KCNAB1: variants seen among roughly 807,000 people sequenced by gnomAD.
KCNAB1 encodes the protein voltage-gated potassium channel subunit beta-1.
Under a neutral mutation model 64.6 loss-of-function variants are expected in KCNAB1, and 35 were observed. That is an observed-to-expected ratio of 0.54 (90% CI 0.41 to 0.72). The LOEUF (loss-of-function observed/expected upper bound fraction) is 0.72, where lower values mean the gene tolerates loss of function less well. Ranked by LOEUF, KCNAB1 falls within the 30% of genes least tolerant of loss-of-function variation. The probability of loss-of-function intolerance (pLI) is 0.00; values close to 1 mark genes in which losing one functional copy is unlikely to be tolerated. For missense variants in KCNAB1, 401 were observed against 512.9 expected, an observed-to-expected ratio of 0.78 and a Z score of 2.11; for synonymous variants, 177 against 183.8, an observed-to-expected ratio of 0.96 and a Z score of 0.30.
chr3:156,162,252 A>AT (rs5853743), intron 1 of KCNAB1, among the ~76,000 whole-genome samples: 75,288 of 150,402 alleles, frequency 0.5, 20,078 homozygotes, highest in East Asian at 0.77. Flanking sequence ...TTTATACTGG[A>AT]TTTTTTTTTT....
chr3:156,343,591 C>T (rs560728373), intron 1 of KCNAB1, among the ~76,000 whole-genome samples: 1 of 152,246 alleles, frequency 6.6e-6, no homozygotes, highest in East Asian at 1.9e-4. Context: ...TTGGAAAGGC[C>T]CCAGTTCTCA....
chr3:156,203,745 G>GT (rs1177344199), intron 1 of KCNAB1, among the ~76,000 whole-genome samples: 1 of 152,214 alleles, frequency 6.6e-6, no homozygotes, highest in African/African-American at 2.4e-5. Flanking sequence ...AAGTAAATTA[G>GT]TTTTTTATCT....
intron 1 of KCNAB1, chr3:156,291,100 C>T: frequency 2.0e-6 from 2 of 985,490 alleles, no homozygotes; most frequent in Non-Finnish European, 2.4e-6. Flanking sequence ...TTTTATGGAG[C>T]AACCCTCCCG....
At chr3:156,143,830 T>A (rs1303959934) in intron 1 of KCNAB1, among the ~76,000 whole-genome samples, 1 of 151,534 alleles carries the variant, frequency 6.6e-6, no homozygotes, top group Non-Finnish European at 1.5e-5. Flanking sequence ...CTTATTTTCT[T>A]CTAAACTTGA....
chr3:156,126,338 G>C (rs1713653605), intron 1 of KCNAB1, among the ~76,000 whole-genome samples: 1 of 152,178 alleles, frequency 6.6e-6, no homozygotes. Context: ...CTCTCAAGAA[G>C]AGGCAGTGCA....
At chr3:156,357,586 G>A (rs779424845) in intron 1 of KCNAB1, among the ~76,000 whole-genome samples, 1 of 152,180 alleles carries the variant, frequency 6.6e-6, no homozygotes, top group Non-Finnish European at 1.5e-5. Flanking sequence ...AACTTTCTCC[G>A]ATAGAAGTAT....
rs1220332293 is a variant in KCNAB1 at position 156,443,876 on chromosome 3, C to T, written c.320-9023C>T. Among the ~76,000 whole-genome samples, 2 of 152,098 alleles carry T rather than the reference C, an allele frequency of 1.3e-5. 1 individual carries two copies. Among genetic ancestry groups the T allele is most frequent in the South Asian group, 4.1e-4 (2 of 4,820 alleles). On this transcript the variant is annotated intron_variant, in intron 2 of 13. Transcript: ENST00000490337. ...CTGGCCTTTACCACTTCCTTACCTA[C>T]TTTTATTGCTATTTCAAGCTCTTTT...
At chr3:156,232,145 G>A (rs1027452741) in intron 1 of KCNAB1, among the ~76,000 whole-genome samples, 13 of 152,194 alleles carry the variant, frequency 8.5e-5, no homozygotes, top group African/African-American at 3.1e-4. Context: ...ATATTACTTA[G>A]AAAGTAATAG....
intron 8 of KCNAB1, among the ~76,000 whole-genome samples, chr3:156,486,865 A>G (rs1715256402): frequency 6.6e-6 from 1 of 152,180 alleles, no homozygotes; most frequent in African/African-American, 2.4e-5. Flanking sequence ...GGATGTGCTT[A>G]TGACTTAAAA....
At chr3:156,326,021 C>G (rs1031119839) in intron 1 of KCNAB1, among the ~76,000 whole-genome samples, 8 of 152,086 alleles carry the variant, frequency 5.3e-5, no homozygotes, top group African/African-American at 1.9e-4. Context: ...CCAGTTCTCC[C>G]CTAGAGTGGA....
intron 8 of KCNAB1, among the ~76,000 whole-genome samples, chr3:156,501,691 C>A (rs968267125): frequency 6.6e-5 from 10 of 152,090 alleles, no homozygotes; most frequent in African/African-American, 2.4e-4. Flanking sequence ...CTCAGCCTCC[C>A]AAAGTGCAGG....
At chr3:156,519,962 C>T (rs957446921) in intron 11 of KCNAB1, among the ~76,000 whole-genome samples, 1 of 152,134 alleles carries the variant, frequency 6.6e-6, no homozygotes, top group Non-Finnish European at 1.5e-5. Flanking sequence ...CTTGTCATGG[C>T]ATTTTCCATT....
intron 1 of KCNAB1, among the ~76,000 whole-genome samples, chr3:156,229,118 A>T (rs890027681): frequency 1.3e-5 from 2 of 152,188 alleles, no homozygotes; most frequent in African/African-American, 4.8e-5. Context: ...AAAGAACAAG[A>T]CTATTTTTCT....
chr3:156,256,213 T>C (rs1361220437), intron 1 of KCNAB1, among the ~76,000 whole-genome samples: 1 of 152,268 alleles, frequency 6.6e-6, no homozygotes, highest in Non-Finnish European at 1.5e-5. Flanking sequence ...GTATTCCTGA[T>C]TTAATCTTAA....
At chr3:156,351,276 G>A (rs1417776108) in intron 1 of KCNAB1, among the ~76,000 whole-genome samples, 3 of 152,158 alleles carry the variant, frequency 2.0e-5, no homozygotes, top group African/African-American at 7.2e-5. Flanking sequence ...AAAAGAGTTG[G>A]GGCTAAACAG....
intron 1 of KCNAB1, among the ~76,000 whole-genome samples, chr3:156,273,245 C>T (rs1719140077): frequency 6.6e-6 from 1 of 152,192 alleles, no homozygotes; most frequent in South Asian, 2.1e-4. Context: ...GGTTACACGC[C>T]CTCCAAATCC....
At chr3:156,425,998 G>T (rs563511269) in intron 2 of KCNAB1, among the ~76,000 whole-genome samples, 3 of 152,156 alleles carry the variant, frequency 2.0e-5, no homozygotes, top group Non-Finnish European at 4.4e-5. Flanking sequence ...TCCACCGAGG[G>T]GAGGTACTTG....
chr3:156,170,006 A>G (rs1233545391), intron 1 of KCNAB1, among the ~76,000 whole-genome samples: 1 of 152,156 alleles, frequency 6.6e-6, no homozygotes, highest in South Asian at 2.1e-4. Context: ...TTTTCCCTCT[A>G]CTGCCCAAGG....
intron 1 of KCNAB1, among the ~76,000 whole-genome samples, chr3:156,407,667 G>A (rs1418580694): frequency 6.6e-6 from 1 of 152,176 alleles, no homozygotes; most frequent in Non-Finnish European, 1.5e-5. Context: ...AGTCACTATT[G>A]ATTCAGCCTT....
Sources: gnomAD v4.1 joint callset for allele counts (sites outside exome capture counted in the v4.1 genomes callset) on GRCh38, gnomAD v4.1.1 for gene constraint, MANE v1.5 for transcripts, NCBI Gene and HGNC (gene_info 2026-07-23, HGNC 2026-07-21) for gene names.